SMARCC1: variants seen among roughly 807,000 people sequenced by gnomAD.
The protein encoded by SMARCC1 is SWI/SNF related BAF chromatin remodeling complex subunit C1.
In SMARCC1, 43 loss-of-function variants were observed where a neutral mutation model predicts 147.4. The ratio of observed to expected loss-of-function variants is 0.29; its 90% CI spans 0.23 to 0.38. The LOEUF is 0.38. Among genes scored for constraint, SMARCC1 ranks in the 10% least tolerant of loss-of-function variants. The pLI is 1.00. For synonymous variants in SMARCC1, 495 were observed against 484.4 expected (o/e 1.02, Z -0.29); for missense variants, 1,119 against 1,381.1 (o/e 0.81, Z 3.01).
intron 26 of SMARCC1, among the ~76,000 whole-genome samples, chr3:47,599,948 T>C (rs2032357959): frequency 6.6e-6 from 1 of 152,194 alleles, no homozygotes; most frequent in African/African-American, 2.4e-5. Flanking sequence ...TAGTACTATT[T>C]CCAAAGCTAT....
intron 5 of SMARCC1, among the ~76,000 whole-genome samples, chr3:47,730,604 G>A (rs576804699): frequency 7.2e-5 from 11 of 152,174 alleles, no homozygotes; most frequent in South Asian, 4.2e-4. Context: ...AGTGGCTCAC[G>A]CCTGTAATCC....
chr3:47,641,665 C>CA (rs1192169192), intron 21 of SMARCC1, among the ~76,000 whole-genome samples: 2 of 151,140 alleles, frequency 1.3e-5, no homozygotes, highest in African/African-American at 2.4e-5. Flanking sequence ...GATATGCTAA[C>CA]AAAAAAAATC....
rs1287701439 is a variant in SMARCC1, at chr3:47,714,499, GA to G, written c.717-10del. 3 of 1,414,378 alleles carry G rather than the reference GA, an allele frequency of 2.1e-6. No homozygotes were observed. In the African/African-American group the frequency reaches 4.3e-5, roughly 20 times the overall value. 87.6% of individuals were successfully genotyped at this position (1,414,378 alleles called of 1,614,324 possible). ...GGACCCAAGTATCATAGCTATAAAG[GA>G]ATCAAAATGAGAAAAACAAATTAGA... On this transcript the variant is annotated splice_polypyrimidine_tract_variant and intron_variant, in intron 7 of 27. Coordinates refer to ENST00000254480, the MANE Select transcript of SMARCC1 (RefSeq NM_003074.4).
At chr3:47,754,732 A>G (rs1225920198) in intron 2 of SMARCC1, among the ~76,000 whole-genome samples, 1 of 152,200 alleles carries the variant, frequency 6.6e-6, no homozygotes, top group Non-Finnish European at 1.5e-5. Context: ...TCAAAGTGGT[A>G]ATCATGCGAG....
At chr3:47,726,420 CATT>C (rs1469303918) in intron 6 of SMARCC1, among the ~76,000 whole-genome samples, 7 of 152,112 alleles carry the variant, frequency 4.6e-5, no homozygotes, top group Non-Finnish European at 1.0e-4. Context: ...ATTGCTTCAT[CATT>C]ATTATTGTTA....
intron 5 of SMARCC1, among the ~76,000 whole-genome samples, chr3:47,729,934 T>C (rs2106821839): frequency 6.6e-6 from 1 of 152,246 alleles, no homozygotes; most frequent in East Asian, 1.9e-4. Flanking sequence ...TCTGTAATCC[T>C]AGCAATTTGG....
chr3:47,737,108 G>A (rs1416475775), intron 4 of SMARCC1, among the ~76,000 whole-genome samples: 2 of 152,046 alleles, frequency 1.3e-5, no homozygotes, highest in Admixed American at 6.6e-5. Context: ...TAAAATGAAG[G>A]CAGGCCGGAC....
intron 26 of SMARCC1, chr3:47,601,863 C>T (rs2032392363): frequency 6.6e-6 from 1 of 152,076 alleles, no homozygotes; most frequent in South Asian, 2.1e-4. Context: ...CCACACCCGG[C>T]TAATTTTTGT....
rs547572075 is a variant in SMARCC1, at chr3:47,586,378, G to A, written c.*1831C>T. On this transcript the variant is annotated 3_prime_UTR_variant, in exon 28 of 28. Coordinates refer to ENST00000254480, the MANE Select transcript of SMARCC1 (RefSeq NM_003074.4). ...CCCTGGCCATTGTCAAAAGGCACTG[G>A]GGTCTTTCTGGAGCCAAATGCATTG... The A allele has an allele frequency of 6.6e-6, 1 of 152,302 alleles. No homozygotes were observed. The highest frequency in any genetic ancestry group is 2.1e-4 in the South Asian group (1 of 4,812). 9.4% of individuals were successfully genotyped at this position (152,302 alleles called of 1,614,324 possible). A position where few individuals can be genotyped will look rare whatever the true frequency, so the allele number is the denominator to read the frequency against.
At chr3:47,731,035 C>A (rs1227702663) in intron 5 of SMARCC1, among the ~76,000 whole-genome samples, 1 of 152,138 alleles carries the variant, frequency 6.6e-6, no homozygotes, top group Non-Finnish European at 1.5e-5. Flanking sequence ...AAGTTTGTCA[C>A]ATTGATTGAC....
chr3:47,651,194 T>C (rs1024003120), intron 21 of SMARCC1, among the ~76,000 whole-genome samples: 21 of 151,998 alleles, frequency 1.4e-4, no homozygotes, highest in African/African-American at 2.9e-4. Context: ...GTCCCAGCTA[T>C]TGGGGAGGCT....
chr3:47,649,548 G>C (rs887856143), intron 21 of SMARCC1, among the ~76,000 whole-genome samples: 2 of 152,170 alleles, frequency 1.3e-5, no homozygotes, highest in Non-Finnish European at 2.9e-5. Context: ...TCCACAGGCT[G>C]TTAAGGAGCT....
chr3:47,636,365 G>A (rs1346110892), intron 22 of SMARCC1, among the ~76,000 whole-genome samples: 1 of 152,226 alleles, frequency 6.6e-6, no homozygotes, highest in Non-Finnish European at 1.5e-5. Context: ...AAAGCACAGA[G>A]TCGCTGCCCT....
intron 19 of SMARCC1, 139 bp downstream of exon 19, chr3:47,670,519 G>C (rs1559640449): frequency 1.5e-6 from 1 of 662,472 alleles, no homozygotes; most frequent in Non-Finnish European, 2.8e-6. Flanking sequence ...GGGAGGTAGA[G>C]GCTGCACTGA....
chr3:47,760,080 G>A (rs6442085), intron 2 of SMARCC1, among the ~76,000 whole-genome samples: 91,728 of 152,088 alleles, frequency 0.6, 29,020 homozygotes, highest in East Asian at 0.72. Flanking sequence ...CTGGGAGGCC[G>A]AGACGGGCAG....
intron 19 of SMARCC1, chr3:47,663,502 T>C (rs1559638504): frequency 1.4e-6 from 1 of 689,904 alleles, no homozygotes; most frequent in Middle Eastern, 4.1e-4. Context: ...TCCCAGCTAC[T>C]CAGGGGGCTG....
At position 47,703,883 on chromosome 3, in the gene SMARCC1, G is replaced by T. The variant is rs577147762; in HGVS notation, c.1041-2481C>A. The stretch of plus-strand genomic sequence containing the variant: ...GCGATCTCAGCTCACTGCAAGCTCC[G>T]CCTCCTGGGTTCATGCCATTCTCCT... On this transcript the variant is annotated intron_variant, in intron 10 of 27. Transcript: ENST00000254480. 5.3e-5 allele frequency among the ~76,000 whole-genome samples: 8 copies of T among 152,200 alleles called. No homozygotes were observed. In the South Asian group the frequency reaches 1.7e-3, roughly 32 times the overall value.
chr3:47,697,650 T>A (rs904534899), intron 11 of SMARCC1, among the ~76,000 whole-genome samples: 26 of 151,652 alleles, frequency 1.7e-4, no homozygotes, highest in Non-Finnish European at 3.1e-4. Flanking sequence ...CAAACTCATT[T>A]TATGAGGCCA....
Position 47,675,480 on chromosome 3 carries a change from C to G in SMARCC1, c.1834G>C (p.Ala612Pro). 1 of 1,553,774 alleles carries G rather than the reference C, an allele frequency of 6.4e-7. No individual in the cohort carries two copies. The change falls in exon 18 of 28, where the codon GCA becomes CCA. Residue 612 changes from alanine to proline, a missense_variant. Ala to Pro is a conservative substitution (Grantham distance 27). Around this residue, in one of 6 missense-constraint regions of SMARCC1, gnomAD observed 178 missense variants for 264.6 expected, o/e 0.67. Coordinates refer to ENST00000254480, the MANE Select transcript of SMARCC1 (RefSeq NM_003074.4). ...RTDIYSKKTL[A>P]KSKGASAGRE... ...TGTGTGATTAGAAAAATTACCTTTGCTAATGTTTTCTTGGAGTAAATGTCA... is the reference window on the plus strand; with the variant it reads ...TGTGTGATTAGAAAAATTACCTTTGGTAATGTTTTCTTGGAGTAAATGTCA...
Sources: gnomAD v4.1 joint callset for allele counts (sites outside exome capture counted in the v4.1 genomes callset) on GRCh38, gnomAD v4.1.1 for gene constraint, gnomAD v4.1.1 regional missense constraint, MANE v1.5 for transcripts, NCBI Gene and HGNC (gene_info 2026-07-23, HGNC 2026-07-21) for gene names.